OR9Q1: variants seen among roughly 807,000 people sequenced by gnomAD.
OR9Q1 encodes olfactory receptor 9Q1.
For missense variants in OR9Q1, 374 were observed against 378.8 expected, an observed-to-expected ratio of 0.99 and a Z score of 0.11; for synonymous variants, 153 against 148.6, an observed-to-expected ratio of 1.03 and a Z score of -0.22.
intron 2 of OR9Q1, among the ~76,000 whole-genome samples, chr11:58,090,392 A>G (rs1249662912): frequency 6.6e-6 from 1 of 152,138 alleles, no homozygotes; most frequent in African/African-American, 2.4e-5. Flanking sequence ...ATCTGCTTCT[A>G]TTGAGGTAAT....
At chr11:58,048,257 A>T (rs763552051) in intron 1 of OR9Q1, among the ~76,000 whole-genome samples, 3 of 152,210 alleles carry the variant, frequency 2.0e-5, no homozygotes, top group Non-Finnish European at 4.4e-5. Context: ...CTGATAAAAA[A>T]ATGTGTTTTG....
intron 2 of OR9Q1, among the ~76,000 whole-genome samples, chr11:58,162,996 CTTTG>C (rs539004841): frequency 1.4e-3 from 209 of 152,204 alleles, no homozygotes; most frequent in Admixed American, 2.4e-3. Flanking sequence ...GAGAGAGAAG[CTTTG>C]TTTGGAATTT....
chr11:58,142,853 A>G (rs1854263735), intron 2 of OR9Q1, among the ~76,000 whole-genome samples: 1 of 152,178 alleles, frequency 6.6e-6, no homozygotes, highest in African/African-American at 2.4e-5. Context: ...TGATTCATGT[A>G]TCTCACTGAT....
chr11:58,138,317 A>G (rs559265583), intron 2 of OR9Q1, among the ~76,000 whole-genome samples: 2 of 152,310 alleles, frequency 1.3e-5, no homozygotes, highest in South Asian at 4.1e-4. Context: ...TGATGGCCAC[A>G]GTGTAAGCTA....
intron 2 of OR9Q1, chr11:58,073,737 A>G (rs1853512320): frequency 6.6e-6 from 1 of 152,184 alleles, no homozygotes; most frequent in Admixed American, 6.5e-5. Flanking sequence ...TGCACCCACC[A>G]ACCTGTCATC....
At chr11:58,155,393 G>T (rs749905601) in intron 2 of OR9Q1, among the ~76,000 whole-genome samples, 11 of 151,980 alleles carry the variant, frequency 7.2e-5, no homozygotes, top group Non-Finnish European at 1.3e-4. Context: ...GCGCAGCCAA[G>T]TTCATACAGA....
At chr11:58,175,152 C>A (rs1048454899) in intron 2 of OR9Q1, among the ~76,000 whole-genome samples, 9 of 132,238 alleles carry the variant, frequency 6.8e-5, no homozygotes, top group Non-Finnish European at 9.9e-5. Context: ...TTACGCACAA[C>A]AATATATAAA....
intron 2 of OR9Q1, among the ~76,000 whole-genome samples, chr11:58,121,057 C>T (rs1158446575): frequency 6.6e-6 from 1 of 151,856 alleles, no homozygotes; most frequent in African/African-American, 2.4e-5. Flanking sequence ...TATGTACATG[C>T]CATACACAAA....
intron 2 of OR9Q1, among the ~76,000 whole-genome samples, chr11:58,152,787 T>A (rs1854366098): frequency 6.6e-6 from 1 of 152,260 alleles, no homozygotes; most frequent in Non-Finnish European, 1.5e-5. Flanking sequence ...GTCTCCAAGA[T>A]AATCAAATTA....
intron 2 of OR9Q1, chr11:58,078,192 AT>A (rs1421367299): frequency 1.3e-5 from 2 of 152,038 alleles, no homozygotes; most frequent in Non-Finnish European, 2.9e-5. Flanking sequence ...ACAACAACAA[AT>A]CCCCACCAAA....
In OR9Q1 at chr11:58,065,373, C is replaced by A. The variant is rs954076095; in HGVS notation, c.-15+9426C>A. On this transcript the variant is annotated intron_variant, in intron 2 of 2. Transcript: ENST00000335397. ...GTGATGAGTAGAGGCAAAAGACACA[C>A]AGCACATGCCTTTGACAAAAACTCA... 2.1e-5 allele frequency among the ~76,000 whole-genome samples: 3 copies of A among 144,710 alleles called. No individual in the cohort carries two copies. The South Asian group carries it at 6.6e-4, about 32-fold the overall frequency. 94.9% of individuals were successfully genotyped at this position (144,710 alleles called of 152,430 possible). A position where few individuals can be genotyped will look rare whatever the true frequency, so the allele number is the denominator to read the frequency against.
At chr11:58,142,985 C>G (rs1028716963) in intron 2 of OR9Q1, among the ~76,000 whole-genome samples, 1 of 152,126 alleles carries the variant, frequency 6.6e-6, no homozygotes, top group Non-Finnish European at 1.5e-5. Context: ...AGGCAACAGG[C>G]TATAGAGGTC....
rs1255241755 is a variant in OR9Q1 at position 58,179,795 on chromosome 11, C to T, written c.351C>T (p.Leu117=). The change falls in exon 3 of 3, where the codon CTC becomes CTT. Residue 117 remains leucine (L), a synonymous_variant. Transcript: ENST00000335397. The part of the protein sequence containing the change: ...FGSIDCYLLA[L]MAYDRYLAVC... Reference sequence around the variant, plus strand: ...CCATCGACTGCTACCTCTTGGCCCTCATGGCCTATGACCGCTACTTGGCTG... The same window carrying T: ...CCATCGACTGCTACCTCTTGGCCCTTATGGCCTATGACCGCTACTTGGCTG... 3.1e-6 allele frequency: 5 copies of T among 1,614,096 alleles called. No homozygotes were observed. Among genetic ancestry groups the T allele is most frequent in the African/African-American group, 1.3e-5 (1 of 74,950 alleles).
At chr11:58,102,012 C>T (rs1440631360) in intron 2 of OR9Q1, among the ~76,000 whole-genome samples, 1 of 152,188 alleles carries the variant, frequency 6.6e-6, no homozygotes, top group Non-Finnish European at 1.5e-5. Context: ...TCCCAAAGTG[C>T]TGGGATTACA....
At chr11:58,082,988 CT>C (rs1853603958) in intron 2 of OR9Q1, among the ~76,000 whole-genome samples, 1 of 145,092 alleles carries the variant, frequency 6.9e-6, no homozygotes, top group African/African-American at 2.5e-5. Context: ...ATGATAGTTT[CT>C]TTTGCTATGC....
chr11:58,037,921 C>T (rs1296853822), intron 1 of OR9Q1, among the ~76,000 whole-genome samples: 36 of 140,098 alleles, frequency 2.6e-4, no homozygotes, highest in Middle Eastern at 3.6e-3. Flanking sequence ...TTAGTAGAGA[C>T]GGGGTTTTAC....
intron 2 of OR9Q1, among the ~76,000 whole-genome samples, chr11:58,086,672 G>C (rs968730120): frequency 6.6e-6 from 1 of 151,742 alleles, no homozygotes; most frequent in Non-Finnish European, 1.5e-5. Context: ...ATACTATACA[G>C]CCCTAAAAAA....
At chr11:58,133,927 C>T (rs187918177) in intron 2 of OR9Q1, among the ~76,000 whole-genome samples, 68 of 152,192 alleles carry the variant, frequency 4.5e-4, no homozygotes, top group Admixed American at 2.0e-3. Context: ...CTGCTAGCTC[C>T]GAGATCAGCC....
chr11:58,124,214 G>A (rs544072846), intron 2 of OR9Q1, among the ~76,000 whole-genome samples: 11 of 152,178 alleles, frequency 7.2e-5, no homozygotes, highest in South Asian at 2.1e-4. Flanking sequence ...CCAACTCCCC[G>A]AACCCAGGAC....
Sources: gnomAD v4.1 joint callset for allele counts (sites outside exome capture counted in the v4.1 genomes callset) on GRCh38, gnomAD v4.1.1 for gene constraint, MANE v1.5 for transcripts, NCBI Gene and HGNC (gene_info 2026-07-23, HGNC 2026-07-21) for gene names.